The following SLCO1B3 variants were observed in gnomAD, a reference collection of about 807,000 sequenced individuals.
SLCO1B3 encodes solute carrier organic anion transporter family member 1B3, also known as liver-specific organic anion transporter 2.
In SLCO1B3, 72 loss-of-function variants were observed where a neutral mutation model predicts 71.8. The observed-to-expected ratio is 1.00, with a 90% CI of 0.83 to 1.22. The LOEUF (loss-of-function observed/expected upper bound fraction) is 1.22. SLCO1B3 is among the 50% of genes most tolerant of loss of function. The pLI is 0.00. For synonymous variants in SLCO1B3, 298 were observed against 278.4 expected (o/e 1.07, Z -0.70); for missense variants, 911 against 819.7 (o/e 1.11, Z -1.36).
At chr12:20,854,910 A>G (rs1555155405) in intron 3 of SLCO1B3, 118 bp from the exon 4 acceptor site, 1 of 957,584 alleles carries the variant, frequency 1.0e-6, no homozygotes, top group Non-Finnish European at 1.5e-6. Context: ...AAAAATGGGT[A>G]TTTTTTTATG....
intron 3 of SLCO1B3, among the ~76,000 whole-genome samples, chr12:20,834,832 C>T (rs918363757): frequency 1.3e-5 from 2 of 152,136 alleles, no homozygotes; most frequent in East Asian, 1.9e-4. Flanking sequence ...TCTGGAGGAT[C>T]GTAGCCCTCT....
chr12:20,830,685 T>C (rs548146353), intron 3 of SLCO1B3, among the ~76,000 whole-genome samples: 1 of 152,314 alleles, frequency 6.6e-6, no homozygotes, highest in East Asian at 1.9e-4. Context: ...TTTCACAGAA[T>C]TCACTTGCAA....
At chr12:20,913,136 G>A (rs1326932204) in intron 15 of SLCO1B3, among the ~76,000 whole-genome samples, 1 of 152,106 alleles carries the variant, frequency 6.6e-6, no homozygotes, top group African/African-American at 2.4e-5. Context: ...AACTATGTCT[G>A]ATTGAATTTT....
chr12:20,856,211 A>G (rs531137971), intron 4 of SLCO1B3, among the ~76,000 whole-genome samples: 80 of 152,174 alleles, frequency 5.3e-4, no homozygotes, highest in Non-Finnish European at 1.1e-3. Flanking sequence ...TAAACTTTGC[A>G]GCTATTTAAC....
chr12:20,894,866 T>C (rs1865971278), intron 13 of SLCO1B3, among the ~76,000 whole-genome samples: 1 of 152,146 alleles, frequency 6.6e-6, no homozygotes, highest in African/African-American at 2.4e-5. Context: ...TACCCAAGAC[T>C]GAGCAGTTTA....
Position 20,915,994 on chromosome 12 carries a change from C to A in SLCO1B3, c.1866-10C>A. 6.4e-7 allele frequency: 1 copy of A among 1,572,096 alleles called. No individual in the cohort carries two copies. Among genetic ancestry groups the A allele is most frequent in the Non-Finnish European group, 8.6e-7 (1 of 1,157,234 alleles). On this transcript the variant is annotated splice_polypyrimidine_tract_variant and intron_variant, in intron 15 of 15. Transcript: ENST00000381545. ...AATAATAATCGACTCTCTATTTTCT[C>A]TTTTCACAGAAGGGTCTACTTGGGC...
chr12:20,868,335 G>A (rs946964516), intron 8 of SLCO1B3, among the ~76,000 whole-genome samples: 3 of 152,092 alleles, frequency 2.0e-5, no homozygotes, highest in African/African-American at 7.2e-5. Flanking sequence ...TGTTTGGGGG[G>A]TCAGCCACCC....
At chr12:20,812,857 C>T (rs1864131369) in intron 1 of SLCO1B3, among the ~76,000 whole-genome samples, 1 of 141,804 alleles carries the variant, frequency 7.1e-6, no homozygotes, top group African/African-American at 2.5e-5. Context: ...GACTATCTGC[C>T]TTGCAAGTCG....
At chr12:20,901,297 G>C in intron 14 of SLCO1B3, 53 bp from the exon 15 acceptor site, 1 of 1,115,888 alleles carries the variant, frequency 9.0e-7, no homozygotes, top group Non-Finnish European at 1.3e-6. Flanking sequence ...CTATCGCTCA[G>C]TTACATTTGA....
intron 8 of SLCO1B3, among the ~76,000 whole-genome samples, chr12:20,864,295 T>A (rs562980799): frequency 6.6e-6 from 1 of 152,242 alleles, no homozygotes; most frequent in East Asian, 1.9e-4. Flanking sequence ...TATAAATATT[T>A]GCATACTTAC....
intron 8 of SLCO1B3, among the ~76,000 whole-genome samples, chr12:20,867,624 G>A (rs1865398730): frequency 6.6e-6 from 1 of 152,164 alleles, no homozygotes; most frequent in Non-Finnish European, 1.5e-5. Context: ...CAGACAGTCT[G>A]GCAGAAGTGT....
intron 15 of SLCO1B3, among the ~76,000 whole-genome samples, chr12:20,905,619 A>C (rs1313768136): frequency 1.3e-5 from 2 of 152,158 alleles, no homozygotes; most frequent in Non-Finnish European, 2.9e-5. Context: ...CAGGGACAAA[A>C]TGCCACCAGT....
chr12:20,868,239 G>A (rs1865409765), intron 8 of SLCO1B3, among the ~76,000 whole-genome samples: 1 of 152,014 alleles, frequency 6.6e-6, no homozygotes, highest in Non-Finnish European at 1.5e-5. Flanking sequence ...AAAAATCTGG[G>A]GATAGAAGGA....
At chr12:20,844,017 T>A (rs1349157464) in intron 3 of SLCO1B3, among the ~76,000 whole-genome samples, 1 of 152,030 alleles carries the variant, frequency 6.6e-6, no homozygotes, top group African/African-American at 2.4e-5. Context: ...TTTTATTTTT[T>A]AAATTTTCTC....
intron 13 of SLCO1B3, among the ~76,000 whole-genome samples, chr12:20,892,285 G>A (rs1313753457): frequency 6.6e-6 from 1 of 152,114 alleles, no homozygotes; most frequent in Non-Finnish European, 1.5e-5. Flanking sequence ...ATATTGAAGA[G>A]GATAGAGAGA....
At chr12:20,884,131 ATTAGACAGTTAT>A (rs1405479999) in intron 13 of SLCO1B3, among the ~76,000 whole-genome samples, 14 of 152,186 alleles carry the variant, frequency 9.2e-5, no homozygotes, top group Admixed American at 6.5e-5. Context: ...TTTTTCACTT[ATTAGACAGTTAT>A]TTAGACAGGA....
chr12:20,855,084 T>C lies in SLCO1B3; in HGVS notation c.141T>C (p.Ile47=), dbSNP rs578259935. The C allele has an allele frequency of 1.2e-6, 2 of 1,611,832 alleles. No homozygotes were observed. The highest frequency in any genetic ancestry group is 4.5e-5 in the East Asian group (2 of 44,844). ...SYIAKALGGI[I]MKISITQIER... ...TTGCTAAAGCACTAGGTGGAATCAT[T>C]ATGAAAATTTCCATCACTCAAATAG... The change falls in exon 4 of 16, where the codon ATT becomes ATC. Residue 47 remains isoleucine, a synonymous_variant. Transcript: ENST00000381545.
At chr12:20,832,430 T>C (rs888652146) in intron 3 of SLCO1B3, among the ~76,000 whole-genome samples, 2 of 152,170 alleles carry the variant, frequency 1.3e-5, no homozygotes, top group Admixed American at 1.3e-4. Context: ...TTGTCTTTTC[T>C]GCTCTTCAAA....
chr12:20,907,905 A>T (rs2120428700), intron 15 of SLCO1B3, among the ~76,000 whole-genome samples: 1 of 152,294 alleles, frequency 6.6e-6, no homozygotes, highest in Middle Eastern at 3.4e-3. Flanking sequence ...AATTGAAATC[A>T]TAATTCATTT....
Sources: gnomAD v4.1 joint callset for allele counts (sites outside exome capture counted in the v4.1 genomes callset) on GRCh38, gnomAD v4.1.1 for gene constraint, MANE v1.5 for transcripts, NCBI Gene and HGNC (gene_info 2026-07-23, HGNC 2026-07-21) for gene names.